PTPRD: variants seen among roughly 807,000 people sequenced by gnomAD.
PTPRD encodes receptor-type tyrosine-protein phosphatase delta.
PTPRD carries 34 observed loss-of-function variants against 214.5 expected under a neutral mutation model. The observed-to-expected ratio is 0.16, with a 90% CI of 0.12 to 0.21. The LOEUF (loss-of-function observed/expected upper bound fraction) is 0.21, where lower values mean the gene tolerates loss of function less well. Ranked by LOEUF, PTPRD falls within the 10% of genes least tolerant of loss-of-function variation. PTPRD has a pLI of 1.00. For missense variants in PTPRD, 2,545 were observed against 2,398.7 expected (o/e 1.06, Z -1.27); for synonymous variants, 1,128 against 845.7 (o/e 1.33, Z -5.79).
intron 5 of PTPRD, among the ~76,000 whole-genome samples, chr9:9,897,753 T>C (rs1175791466): frequency 6.6e-6 from 1 of 152,154 alleles, no homozygotes; most frequent in East Asian, 1.9e-4. Context: ...TTAAACTACT[T>C]ATGAGCATTT....
At chr9:9,214,422 C>G (rs1484514160) in intron 9 of PTPRD, among the ~76,000 whole-genome samples, 1 of 151,926 alleles carries the variant, frequency 6.6e-6, no homozygotes, top group Admixed American at 6.6e-5. Flanking sequence ...ACTCGGAAGA[C>G]ATCATGATGG....
chr9:9,241,747 C>T (rs1023571684), intron 9 of PTPRD, among the ~76,000 whole-genome samples: 9 of 151,556 alleles, frequency 5.9e-5, no homozygotes, highest in East Asian at 2.0e-4. Flanking sequence ...TCTCTCCATA[C>T]GAGATGGGTT....
chr9:9,026,858 A>G (rs2099589100), intron 10 of PTPRD, among the ~76,000 whole-genome samples: 1 of 151,476 alleles, frequency 6.6e-6, no homozygotes, highest in Admixed American at 6.6e-5. Flanking sequence ...TCTAAGCTGG[A>G]CTCTCCTACT....
intron 12 of PTPRD, among the ~76,000 whole-genome samples, chr9:8,725,171 A>C (rs1286496152): frequency 1.3e-5 from 2 of 152,194 alleles, no homozygotes; most frequent in South Asian, 2.1e-4. Context: ...AAATAGAAAA[A>C]ATAAATCACT....
rs538358553 is a variant in PTPRD, at chr9:8,724,885, C to A, written c.64+8895G>T. ...CCCAGGAGGCAGAAGGTGCAGTGAG[C>A]CGAGATCGCGTCACTGCACTCCAGC... On this transcript the variant is annotated intron_variant, in intron 12 of 45. Transcript: ENST00000381196. Among the ~76,000 whole-genome samples, 149 of 152,202 alleles carry A rather than the reference C, an allele frequency of 9.8e-4. 1 individual carries two copies. Among genetic ancestry groups the A allele is most frequent in the African/African-American group, 3.5e-3 (144 of 41,504 alleles).
In PTPRD at chr9:8,314,303, C is replaced by T; in HGVS notation, c.*3571G>A. ...TTGTAACAAATGGAACTTGTGTCAG[C>T]AAAGAACTGATTTTCATACAGACTT... On this transcript the variant is annotated 3_prime_UTR_variant, in exon 46 of 46. Transcript: ENST00000381196. 1 of 223,290 alleles carries T rather than the reference C, an allele frequency of 4.5e-6. No individual in the cohort carries two copies. Among genetic ancestry groups the T allele is most frequent in the Non-Finnish European group, 9.0e-6 (1 of 111,498 alleles). The allele number at this position is 223,290 out of a possible 1,614,324, so 13.8% of individuals were successfully genotyped here.
chr9:10,164,637 A>C (rs960694313), intron 3 of PTPRD, among the ~76,000 whole-genome samples: 1 of 151,640 alleles, frequency 6.6e-6, no homozygotes, highest in African/African-American at 2.4e-5. Flanking sequence ...ATCTAGAATT[A>C]ATTGTTAAGT....
At chr9:9,916,393 T>C (rs984769705) in intron 5 of PTPRD, among the ~76,000 whole-genome samples, 9 of 151,778 alleles carry the variant, frequency 5.9e-5, no homozygotes, top group African/African-American at 1.9e-4. Context: ...AAAGGGTATA[T>C]AAAACAACAA....
intron 4 of PTPRD, among the ~76,000 whole-genome samples, chr9:9,978,633 C>G (rs72692768): frequency 0.22 from 33,117 of 151,898 alleles, 4,414 homozygotes; most frequent in Middle Eastern, 0.34. Context: ...GAGAACAGAA[C>G]AAATGCACGC....
chr9:8,377,074 G>A (rs759828268), intron 37 of PTPRD, among the ~76,000 whole-genome samples: 8 of 152,040 alleles, frequency 5.3e-5, no homozygotes, highest in Non-Finnish European at 1.0e-4. Context: ...GAATCACATC[G>A]GGAGGATGAC....
At chr9:9,385,744 C>T (rs929723216) in intron 9 of PTPRD, among the ~76,000 whole-genome samples, 1 of 152,130 alleles carries the variant, frequency 6.6e-6, no homozygotes, top group African/African-American at 2.4e-5. Context: ...TATACATTAA[C>T]TCATTTAGTC....
intron 8 of PTPRD, among the ~76,000 whole-genome samples, chr9:9,495,208 A>G (rs2096117890): frequency 6.6e-6 from 1 of 151,882 alleles, no homozygotes; most frequent in South Asian, 2.1e-4. Context: ...TACAACTCAG[A>G]GAAGAAAACT....
intron 4 of PTPRD, among the ~76,000 whole-genome samples, chr9:9,948,578 G>A (rs2093079635): frequency 6.6e-6 from 1 of 152,048 alleles, no homozygotes; most frequent in African/African-American, 2.4e-5. Flanking sequence ...TTTAGTGATT[G>A]GCTTATGTAT....
At chr9:10,468,469 G>A (rs1168230546) in intron 2 of PTPRD, among the ~76,000 whole-genome samples, 1 of 152,074 alleles carries the variant, frequency 6.6e-6, no homozygotes, top group African/African-American at 2.4e-5. Context: ...ATGGACACCG[G>A]GAGGGGAACA....
chr9:10,272,867 C>T (rs1227359651), intron 3 of PTPRD, among the ~76,000 whole-genome samples: 2 of 152,148 alleles, frequency 1.3e-5, no homozygotes, highest in African/African-American at 4.8e-5. Context: ...TTTTTGAAGA[C>T]TTTTATCTTA....
At chr9:9,428,502 A>G (rs1447220468) in intron 8 of PTPRD, among the ~76,000 whole-genome samples, 1 of 152,186 alleles carries the variant, frequency 6.6e-6, no homozygotes, top group African/African-American at 2.4e-5. Context: ...AATGAGACAG[A>G]AAGTTAAGAA....
chr9:8,600,263 G>A lies in PTPRD; in HGVS notation c.352+33054C>T, dbSNP rs527240639. Among the ~76,000 whole-genome samples the A allele has an allele frequency of 2.8e-3, 420 of 152,306 alleles. 5 individuals are homozygous for A. The highest frequency in any genetic ancestry group is 7.6e-3 in the Admixed American group (116 of 15,304). On this transcript the variant is annotated intron_variant, in intron 14 of 45. Transcript: ENST00000381196. ...GCCCATCCCAGCAGTCAGAGCTTGA[G>A]TTCCCACAAGCCTCACCATCACAGG...
At chr9:9,515,671 T>A (rs1369489585) in intron 8 of PTPRD, among the ~76,000 whole-genome samples, 1 of 151,904 alleles carries the variant, frequency 6.6e-6, no homozygotes, top group African/African-American at 2.4e-5. Context: ...TTGAAAACCA[T>A]ATATTAAATA....
At chr9:10,263,988 G>A (rs1043188987) in intron 3 of PTPRD, among the ~76,000 whole-genome samples, 3 of 152,204 alleles carry the variant, frequency 2.0e-5, no homozygotes, top group Non-Finnish European at 4.4e-5. Flanking sequence ...GCTTCAGAGG[G>A]TGCAAGCCCC....
Sources: gnomAD v4.1 joint callset for allele counts (sites outside exome capture counted in the v4.1 genomes callset) on GRCh38, gnomAD v4.1.1 for gene constraint, MANE v1.5 for transcripts, NCBI Gene and HGNC (gene_info 2026-07-23, HGNC 2026-07-21) for gene names.